Variants in CILP observed in about 807,000 individuals in gnomAD.
CILP encodes cartilage intermediate layer protein 1.
In CILP, 75 loss-of-function variants were observed where a neutral mutation model predicts 82.5. The observed-to-expected ratio is 0.91, with a 90% confidence interval of 0.75 to 1.10. CILP has a LOEUF of 1.10. Ranked by LOEUF, CILP falls within the 50% of genes least tolerant of loss-of-function variation. The probability of loss-of-function intolerance (pLI) is 0.00; values close to 1 mark genes in which losing one functional copy is unlikely to be tolerated. For missense variants in CILP, 1,479 were observed against 1,530.8 expected (o/e 0.97, Z 0.56); for synonymous variants, 530 against 580.3 (o/e 0.91, Z 1.25).
chr15:65,198,219 C>A lies in CILP; in HGVS notation c.2067G>T (p.Met689Ile), dbSNP rs747829928. Reference sequence around the variant, plus strand: ...GTTTCACTGTGGATATGTGCTCTGGCATCTTGACCTGGGTCGAGTCAAGGT... The same window carrying A: ...GTTTCACTGTGGATATGTGCTCTGGAATCTTGACCTGGGTCGAGTCAAGGT... ...KVHLDSTQVKMPEHISTVKLW... is the reference protein window; with the variant it reads ...KVHLDSTQVKIPEHISTVKLW... Residue 689 changes from methionine to isoleucine, a missense_variant, in exon 9 of 9, where the codon ATG becomes ATT. By Grantham distance (10) the Met-to-Ile change is conservative (BLOSUM62 1). Coordinates refer to ENST00000261883, the MANE Select transcript of CILP (RefSeq NM_003613.4). 14 of 1,614,146 alleles carry A rather than the reference C, an allele frequency of 8.7e-6. No homozygotes were observed. Among genetic ancestry groups the A allele is most frequent in the African/African-American group, 1.3e-5 (1 of 74,956 alleles).
chr15:65,207,809 G>A (rs1015304814), intron 2 of CILP, 45 bp from the exon 3 acceptor site: 1 of 1,514,492 alleles, frequency 6.6e-7, no homozygotes, highest in Non-Finnish European at 9.2e-7. Flanking sequence ...AGGACTGGAA[G>A]TTACAGCATT....
At chr15:65,207,218 C>T (rs1208797531) in intron 3 of CILP, among the ~76,000 whole-genome samples, 167 bp from the exon 4 acceptor site, 2 of 152,280 alleles carry the variant, frequency 1.3e-5, no homozygotes, top group Non-Finnish European at 2.9e-5. Context: ...CATTCAAGCT[C>T]TCATCAGCCT....
rs1451081314 is a variant in CILP at position 65,204,546 on chromosome 15, G to A, written c.641C>T (p.Ala214Val). 4.3e-6 allele frequency: 7 copies of A among 1,611,780 alleles called. No homozygotes were observed. Among genetic ancestry groups the A allele is most frequent in the Non-Finnish European group, 5.9e-6 (7 of 1,179,452 alleles). The change falls in exon 6 of 9, where the codon GCT becomes GTT. Residue 214 changes from alanine to valine, a missense_variant. Ala to Val is a moderately conservative substitution (Grantham distance 64, BLOSUM62 0). Transcript: ENST00000261883. ...DLTCPMGQVN[A>V]DCDACMCQDF... ...CTGGCACATGCAGGCATCACAGTCA[G>A]CATTCACCTGGCCCATTGGGCAGGT...
rs370825354 is a variant in CILP at position 65,197,278 on chromosome 15, G to T, written c.3008C>A (p.Ala1003Asp). 4 of 1,614,084 alleles carry T rather than the reference G, an allele frequency of 2.5e-6. No individual in the cohort carries two copies. The highest frequency in any genetic ancestry group is 8.5e-7 in the Non-Finnish European group (1 of 1,179,986). Residue 1003 changes from alanine (A) to aspartate (D), a missense_variant, in exon 9 of 9, where the codon GCT becomes GAT. Transcript: ENST00000261883. ...ACTGCACTTGAACTCCAGACAGGCA[G>T]CTGAGACATTGGGCTGGTCCCTGTC... ...TRDRDQPNVS[A>D]ACLEFKCSGM...
chr15:65,197,912 C>G lies in CILP; in HGVS notation c.2374G>C (p.Ala792Pro). ...ATGACACTGTCAAAGCGGCCCCAGGCCCTAGGGTTGGACAAGAAGCCAGTT... is the reference window on the plus strand; with the variant it reads ...ATGACACTGTCAAAGCGGCCCCAGGGCCTAGGGTTGGACAAGAAGCCAGTT... ...PRTGFLSNPR[A>P]WGRFDSVITG... Residue 792 changes from alanine to proline, a missense_variant, in exon 9 of 9, where the codon GCC becomes CCC. Physicochemically the swap from Ala to Pro is conservative, Grantham distance 27. Coordinates refer to ENST00000261883, the MANE Select transcript of CILP (RefSeq NM_003613.4). 1 of 1,614,104 alleles carries G rather than the reference C, an allele frequency of 6.2e-7. No homozygotes were observed. Among genetic ancestry groups the G allele is most frequent in the African/African-American group, 1.3e-5 (1 of 75,008 alleles).
rs771666368 is a variant in CILP at position 65,205,323 on chromosome 15, C to T, written c.568G>A (p.Glu190Lys). 9.3e-6 allele frequency: 15 copies of T among 1,613,912 alleles called. No homozygotes were observed. The highest frequency in any genetic ancestry group is 2.2e-5 in the East Asian group (1 of 44,894). ...EMVSLCSEASEEGQHCMGQDC... is the reference protein window; with the variant it reads ...EMVSLCSEASKEGQHCMGQDC... ...TGGCCCATGCAGTGCTGACCCTCTT[C>T]GCTGGCCTCACTGCACAGCGACACC... Residue 190 changes from glutamate to lysine, a missense_variant, in exon 5 of 9, where the codon GAA (glutamate) becomes AAA (lysine). Transcript: ENST00000261883.
Position 65,198,801 on chromosome 15 carries a change from A to G in CILP, c.1485T>C (p.Arg495=). ...GCTCCCCATTGTCAGCAGCACTGAC[A>G]CGGCCCCGCACGATGCTCCGAGTTT... is the stretch of plus-strand genomic sequence containing the variant. ...CTETRSIVRG[R]VSAADNGEPM... is the part of the protein sequence containing the mutation. Residue 495 remains arginine (R), a synonymous_variant, in exon 9 of 9, where the codon CGT becomes CGC. Transcript: ENST00000261883. The G allele has an allele frequency of 2.5e-6, 4 of 1,614,156 alleles. No individual in the cohort carries two copies. The highest frequency in any genetic ancestry group is 3.4e-6 in the Non-Finnish European group (4 of 1,180,032).
At chr15:65,204,941 C>T (rs190435838) in intron 5 of CILP, among the ~76,000 whole-genome samples, 1 of 152,218 alleles carries the variant, frequency 6.6e-6, no homozygotes, top group Admixed American at 6.5e-5. Flanking sequence ...ATCCCTTAAA[C>T]CCAGGAGGCG....
rs761054336 is a variant in CILP at position 65,198,115 on chromosome 15, C to G, written c.2171G>C (p.Arg724Thr). The change falls in exon 9 of 9, where the codon AGA (arginine) becomes ACA (threonine). Residue 724 changes from arginine to threonine, a missense_variant. Arg to Thr is a moderately conservative substitution (Grantham distance 71). Coordinates refer to ENST00000261883, the MANE Select transcript of CILP (RefSeq NM_003613.4). Reference sequence around the variant, plus strand: ...GCCCACCAGGAAGGTTCTGTCTTCTCTTTTGTTCCTCCTTTGATTTTCAAA... The same window carrying G: ...GCCCACCAGGAAGGTTCTGTCTTCTGTTTTGTTCCTCCTTTGATTTTCAAA... ...FKFENQRRNK[R>T]EDRTFLVGNL... 2.5e-6 allele frequency: 4 copies of G among 1,614,224 alleles called. No homozygotes were observed. The South Asian group carries it at 3.3e-5, about 13-fold the overall frequency.
chr15:65,210,783 A>G (rs2088577560), intron 1 of CILP, among the ~76,000 whole-genome samples: 1 of 152,018 alleles, frequency 6.6e-6, no homozygotes, highest in Non-Finnish European at 1.5e-5. Context: ...GGAAGAAAAA[A>G]CCAGTCCCAT....
intron 2 of CILP, among the ~76,000 whole-genome samples, chr15:65,208,452 A>G (rs1194438165): frequency 6.6e-6 from 1 of 152,232 alleles, no homozygotes; most frequent in African/African-American, 2.4e-5. Context: ...TCCACTTAGA[A>G]CAACACCTAG....
chr15:65,197,742 G>A lies in CILP; in HGVS notation c.2544C>T (p.Gly848=), dbSNP rs766088174. 57 of 1,612,198 alleles carry A rather than the reference G, an allele frequency of 3.5e-5. No individual in the cohort carries two copies. The Middle Eastern group carries it at 4.9e-4, about 14-fold the overall frequency. The change falls in exon 9 of 9, where the codon GGC becomes GGT. Residue 848 remains glycine (G), a synonymous_variant. Transcript: ENST00000261883. ...SSPKFNPNAI[G]VPQPYLNKLN... Reference sequence around the variant, plus strand: ...GCTTGTTGAGATAGGGCTGAGGGACGCCAATTGCATTTGGGTTGAATTTAG... The same window carrying A: ...GCTTGTTGAGATAGGGCTGAGGGACACCAATTGCATTTGGGTTGAATTTAG...
In CILP at chr15:65,204,119, G is replaced by C. The variant is rs572583041; in HGVS notation, c.919+149C>G. 10 of 651,382 alleles carry C rather than the reference G, an allele frequency of 1.5e-5. No homozygotes were observed. The South Asian group carries it at 1.9e-4, about 12-fold the overall frequency. 40.4% of individuals were successfully genotyped at this position (651,382 alleles called of 1,614,324 possible). ...AGGAGAGGAGAGCAGAGAAGAAATG[G>C]AGGGCCAGATAATATAGTGCCATGT... On this transcript the variant is annotated intron_variant, in intron 6 of 8. Coordinates refer to ENST00000261883, the MANE Select transcript of CILP (RefSeq NM_003613.4).
At chr15:65,203,197 C>A (rs866489036) in intron 7 of CILP, among the ~76,000 whole-genome samples, 165 bp downstream of exon 7, 1 of 152,114 alleles carries the variant, frequency 6.6e-6, no homozygotes, top group Non-Finnish European at 1.5e-5. Context: ...TGGCTCCCAA[C>A]CCCATGGCTC....
rs760885125 is a variant in CILP, at chr15:65,198,239, C to G, written c.2047G>C (p.Asp683His). 2.5e-6 allele frequency: 4 copies of G among 1,614,226 alleles called. No homozygotes were observed. Among genetic ancestry groups the G allele is most frequent in the Non-Finnish European group, 3.4e-6 (4 of 1,180,052 alleles). The change falls in exon 9 of 9, where the codon GAC becomes CAC. Residue 683 changes from aspartate (D) to histidine (H), a missense_variant. Coordinates refer to ENST00000261883, the MANE Select transcript of CILP (RefSeq NM_003613.4). ...LNAGKVKVHL[D>H]STQVKMPEHI... is the part of the protein sequence containing the mutation. The stretch of plus-strand genomic sequence containing the variant: ...TCTGGCATCTTGACCTGGGTCGAGT[C>G]AAGGTGGACCTTCACTTTGCCAGCA...
chr15:65,206,895 C>T lies in CILP; in HGVS notation c.311G>A (p.Ser104Asn), dbSNP rs1222486829. The T allele has an allele frequency of 6.2e-7, 1 of 1,613,962 alleles. No individual in the cohort carries two copies. The highest frequency in any genetic ancestry group is 8.5e-7 in the Non-Finnish European group (1 of 1,180,014). The change falls in exon 4 of 9, where the codon AGC becomes AAC. Residue 104 changes from serine (S) to asparagine (N), a missense_variant. Coordinates refer to ENST00000261883, the MANE Select transcript of CILP (RefSeq NM_003613.4). ...ACTACCATGGACCACCTGGCCAGTG[C>T]TGCCCGCAGGTGTCCAGTCAGTGGT... is the stretch of plus-strand genomic sequence containing the variant. Reference protein sequence around the residue: ...ARTTDWTPAGSTGQVVHGSPR... With the variant: ...ARTTDWTPAGNTGQVVHGSPR...
Position 65,196,770 on chromosome 15 carries a change from C to T in CILP, c.3516G>A (p.Leu1172=). Residue 1172 remains leucine, a synonymous_variant, in exon 9 of 9, where the codon CTG becomes CTA. Transcript: ENST00000261883. ...GQRQGGVVAS[L]RFPRVAQQPL... ...GCTGTTGAGCAACTCTAGGAAATCTCAGAGAGGCCACCACTCCACCCTGGC... is the reference window on the plus strand; with the variant it reads ...GCTGTTGAGCAACTCTAGGAAATCTTAGAGAGGCCACCACTCCACCCTGGC... 6.4e-7 allele frequency: 1 copy of T among 1,570,132 alleles called. No homozygotes were observed. Among genetic ancestry groups the T allele is most frequent in the Non-Finnish European group, 8.6e-7 (1 of 1,156,724 alleles).
chr15:65,206,285 G>T (rs980113794), intron 4 of CILP, among the ~76,000 whole-genome samples: 1 of 152,136 alleles, frequency 6.6e-6, no homozygotes, highest in Non-Finnish European at 1.5e-5. Context: ...ATAGGAACAA[G>T]AATAGAAACT....
intron 3 of CILP, 100 bp downstream of exon 3, chr15:65,207,572 T>C (rs1013371587): frequency 3.5e-5 from 37 of 1,059,304 alleles, no homozygotes; most frequent in Non-Finnish European, 4.8e-5. Context: ...AAAGTGGGTT[T>C]CCATGGGACC....
Sources: gnomAD v4.1 joint callset for allele counts (sites outside exome capture counted in the v4.1 genomes callset) on GRCh38, gnomAD v4.1.1 for gene constraint, MANE v1.5 for transcripts, NCBI Gene and HGNC (gene_info 2026-07-23, HGNC 2026-07-21) for gene names.